PACSIN2: variants seen among roughly 807,000 people sequenced by gnomAD.
PACSIN2 encodes protein kinase C and casein kinase substrate in neurons 2.
PACSIN2 carries 25 observed loss-of-function variants against 63.8 expected under a neutral mutation model. The observed-to-expected ratio is 0.39, with a 90% CI of 0.29 to 0.55. PACSIN2 has a LOEUF of 0.55. PACSIN2 is among the 20% of genes least tolerant of loss of function. The pLI, the probability that PACSIN2 is intolerant of heterozygous loss-of-function variation, is 0.62. For synonymous variants in PACSIN2, 255 were observed against 256.2 expected (o/e 1.00, Z 0.05); for missense variants, 518 against 646.9 (o/e 0.80, Z 2.16).
Position 42,871,127 on chromosome 22 carries a change from C to T in PACSIN2, c.*230G>A, listed in dbSNP as rs191941118. The T allele has an allele frequency of 9.5e-4, 538 of 568,722 alleles. 2 individuals are homozygous for T. Among genetic ancestry groups the T allele is most frequent in the African/African-American group, 5.4e-3 (290 of 53,336 alleles). The allele number at this position is 568,722 out of a possible 1,614,324, so 35.2% of individuals were successfully genotyped here. ...AACAGGCACAGTGGGCGGGGAGGGGCGGCTATTTCTGTTGTTCTGCGTCTT... is the reference window on the plus strand; with the variant it reads ...AACAGGCACAGTGGGCGGGGAGGGGTGGCTATTTCTGTTGTTCTGCGTCTT... On this transcript the variant is annotated 3_prime_UTR_variant, in exon 11 of 11. Transcript: ENST00000263246. The surrounding 1 kb of genome is among the most constrained non-coding windows in gnomAD (Gnocchi z 5.4).
chr22:42,906,812 T>C (rs577779695), intron 2 of PACSIN2, among the ~76,000 whole-genome samples: 4 of 152,344 alleles, frequency 2.6e-5, no homozygotes, highest in South Asian at 2.1e-4. Flanking sequence ...ATATACACCA[T>C]GTCTACATTT....
At chr22:42,884,056 G>T (rs1360008818) in intron 6 of PACSIN2, among the ~76,000 whole-genome samples, 1 of 151,716 alleles carries the variant, frequency 6.6e-6, no homozygotes. Flanking sequence ...GGTCCTAGCT[G>T]TGGCCCCAGA....
At chr22:42,917,281 G>A (rs1023470930) in intron 1 of PACSIN2, among the ~76,000 whole-genome samples, 1 of 152,146 alleles carries the variant, frequency 6.6e-6, no homozygotes, top group African/African-American at 2.4e-5. Flanking sequence ...CCTCAGTGCT[G>A]AGTTCAAATC....
intron 1 of PACSIN2, among the ~76,000 whole-genome samples, chr22:42,982,874 A>AAAAAAAC (rs1343997538): frequency 7.8e-6 from 1 of 128,504 alleles, no homozygotes; most frequent in East Asian, 2.3e-4. Context: ...ATCAATAAAA[A>AAAAAAAC]AAAAAAAAAA....
At position 42,879,544 on chromosome 22, in the gene PACSIN2, C is replaced by A. The variant is rs566712866; in HGVS notation, c.907-375G>T. On this transcript the variant is annotated intron_variant, in intron 7 of 10. Coordinates refer to ENST00000263246, the MANE Select transcript of PACSIN2 (RefSeq NM_001184970.3). ...CCACCAAGGTTCTCAGTCCCAGCCCCCTCAGGCCAGCATGGGCCCCTGTGG... is the reference window on the plus strand; with the variant it reads ...CCACCAAGGTTCTCAGTCCCAGCCCACTCAGGCCAGCATGGGCCCCTGTGG... 3.3e-5 allele frequency among the ~76,000 whole-genome samples: 5 copies of A among 152,332 alleles called. No individual in the cohort carries two copies. The East Asian group carries it at 9.7e-4, about 29-fold the overall frequency.
chr22:42,886,795 A>C (rs738539), intron 5 of PACSIN2, among the ~76,000 whole-genome samples: 100,265 of 151,960 alleles, frequency 0.66, 34,956 homozygotes, highest in African/African-American at 0.88. Flanking sequence ...GGCCAGACCA[A>C]AGAGGCAGGG....
At chr22:42,987,353 A>G (rs1455515958) in intron 1 of PACSIN2, among the ~76,000 whole-genome samples, 1 of 151,408 alleles carries the variant, frequency 6.6e-6, no homozygotes, top group Non-Finnish European at 1.5e-5. Context: ...CAGCCCCTAG[A>G]TAAGATGACA....
chr22:42,968,717 A>T (rs1421826734), intron 1 of PACSIN2, among the ~76,000 whole-genome samples: 1 of 152,248 alleles, frequency 6.6e-6, no homozygotes, highest in Non-Finnish European at 1.5e-5. Flanking sequence ...GGGCCTAAAA[A>T]GAACAAAAAC....
At chr22:42,909,039 T>C (rs945627690) in intron 2 of PACSIN2, among the ~76,000 whole-genome samples, 14 of 152,170 alleles carry the variant, frequency 9.2e-5, no homozygotes, top group Admixed American at 7.2e-4. Context: ...ATGCATTAAA[T>C]AGCTCTATTC....
At chr22:42,933,943 C>T (rs950782182) in intron 1 of PACSIN2, among the ~76,000 whole-genome samples, 19 of 152,218 alleles carry the variant, frequency 1.2e-4, no homozygotes, top group African/African-American at 4.6e-4. Context: ...CTCCAGTTCA[C>T]AGAACTGTTT....
chr22:42,971,410 G>A (rs1921258189), intron 1 of PACSIN2, among the ~76,000 whole-genome samples: 2 of 152,340 alleles, frequency 1.3e-5, no homozygotes, highest in Admixed American at 6.5e-5. Flanking sequence ...AGGCTGGAGT[G>A]CAGTGGCGTG....
intron 6 of PACSIN2, among the ~76,000 whole-genome samples, chr22:42,882,861 T>C (rs1929184117): frequency 6.6e-6 from 1 of 152,148 alleles, no homozygotes; most frequent in Non-Finnish European, 1.5e-5. Context: ...CTGGACCTGA[T>C]ATTTTCACTT....
intron 1 of PACSIN2, among the ~76,000 whole-genome samples, chr22:43,001,360 G>T (rs1397820039): frequency 6.6e-6 from 1 of 152,220 alleles, no homozygotes; most frequent in Non-Finnish European, 1.5e-5. Context: ...CAGTTGCCAA[G>T]GCAACAGCAA....
intron 5 of PACSIN2, among the ~76,000 whole-genome samples, chr22:42,887,857 G>C (rs1929606873): frequency 2.6e-5 from 4 of 152,132 alleles, no homozygotes; most frequent in Admixed American, 2.0e-4. Flanking sequence ...AGAAATGGAA[G>C]GGCACCCATG....
chr22:42,878,127 C>A (rs1928785390), intron 8 of PACSIN2, among the ~76,000 whole-genome samples: 2 of 152,274 alleles, frequency 1.3e-5, no homozygotes, highest in Admixed American at 6.5e-5. Flanking sequence ...GTGGGGGCGG[C>A]TGGATTGTGC....
chr22:42,891,207 G>A (rs1442814079), intron 3 of PACSIN2, 25 bp from the exon 4 acceptor site: 1 of 1,543,214 alleles, frequency 6.5e-7, no homozygotes. Flanking sequence ...GAAGCTGCGG[G>A]TCACTCAGCG....
chr22:42,950,082 C>T (rs1448995214), intron 1 of PACSIN2, among the ~76,000 whole-genome samples: 5 of 152,158 alleles, frequency 3.3e-5, no homozygotes, highest in African/African-American at 1.2e-4. Context: ...CGAAAATATA[C>T]GGGGGAAAGA....
intron 1 of PACSIN2, among the ~76,000 whole-genome samples, chr22:42,928,716 A>C (rs1932688494): frequency 1.3e-5 from 2 of 152,208 alleles, no homozygotes; most frequent in African/African-American, 4.8e-5. Context: ...TGGAACACCA[A>C]ATTTAAGGAA....
chr22:42,879,498 G>C (rs1928915432), intron 7 of PACSIN2, among the ~76,000 whole-genome samples: 1 of 152,176 alleles, frequency 6.6e-6, no homozygotes, highest in Non-Finnish European at 1.5e-5. Context: ...AAGGTCCGGG[G>C]CCTCCTGTTC....
Sources: gnomAD v4.1 joint callset for allele counts (sites outside exome capture counted in the v4.1 genomes callset) on GRCh38, gnomAD v4.1.1 for gene constraint, Gnocchi (gnomAD v3.1) non-coding constraint, MANE v1.5 for transcripts, NCBI Gene and HGNC (gene_info 2026-07-23, HGNC 2026-07-21) for gene names.